CSMD2: variants seen among roughly 807,000 people sequenced by gnomAD.
The protein encoded by CSMD2 is CUB and Sushi multiple domains 2.
A neutral mutation model predicts 398.5 loss-of-function variants in CSMD2; 130 were observed. The observed-to-expected ratio is 0.33, with a 90% confidence interval of 0.28 to 0.38. CSMD2 has a LOEUF of 0.38. CSMD2 is among the 10% of genes least tolerant of loss of function. CSMD2 has a pLI of 1.00. For synonymous variants in CSMD2, 1,828 were observed against 1,908.5 expected (o/e 0.96, Z 1.10); for missense variants, 3,829 against 4,764.9 (o/e 0.80, Z 5.78).
intron 68 of CSMD2, 112 bp downstream of exon 68, chr1:33,521,351 G>A (rs1291217723): frequency 2.7e-6 from 2 of 746,688 alleles, no homozygotes; most frequent in Non-Finnish European, 4.8e-6. Flanking sequence ...AGAGGCCAAA[G>A]CACCCCCGCC....
chr1:33,579,123 T>C (rs1638509986), intron 48 of CSMD2, among the ~76,000 whole-genome samples: 1 of 152,188 alleles, frequency 6.6e-6, no homozygotes. Context: ...TGACTCATTA[T>C]CCCCAAACAC....
At chr1:34,087,875 C>T (rs1028594284) in intron 2 of CSMD2, among the ~76,000 whole-genome samples, 1 of 152,140 alleles carries the variant, frequency 6.6e-6, no homozygotes, top group Non-Finnish European at 1.5e-5. Flanking sequence ...GAAGAGGACT[C>T]TAGCCCTTTA....
intron 26 of CSMD2, among the ~76,000 whole-genome samples, chr1:33,659,849 G>C (rs1295779544): frequency 2.0e-5 from 3 of 152,240 alleles, no homozygotes; most frequent in African/African-American, 7.2e-5. Flanking sequence ...CCATATCTGG[G>C]CCTATGCCTA....
At chr1:33,776,274 T>C (rs1189221873) in intron 12 of CSMD2, among the ~76,000 whole-genome samples, 1 of 152,098 alleles carries the variant, frequency 6.6e-6, no homozygotes, top group African/African-American at 2.4e-5. Flanking sequence ...GGCATGGGAC[T>C]GAGAGCACAC....
At chr1:34,028,634 G>A (rs189557271) in intron 3 of CSMD2, among the ~76,000 whole-genome samples, 16 of 152,314 alleles carry the variant, frequency 1.1e-4, no homozygotes, top group Admixed American at 3.9e-4. Context: ...TGGCCATCAG[G>A]CCCTAAGCTG....
At chr1:33,942,750 C>T (rs1036698472) in intron 3 of CSMD2, among the ~76,000 whole-genome samples, 3 of 152,194 alleles carry the variant, frequency 2.0e-5, no homozygotes, top group African/African-American at 7.2e-5. Context: ...GTAAGTTATT[C>T]CACTGGCCCA....
At chr1:33,590,651 T>G (rs1330502947) in intron 44 of CSMD2, among the ~76,000 whole-genome samples, 1 of 144,602 alleles carries the variant, frequency 6.9e-6, no homozygotes, top group Admixed American at 6.9e-5. Flanking sequence ...TCTTACCACA[T>G]TGATGGTATC....
At chr1:33,550,416 G>T in intron 55 of CSMD2, 66 bp from the exon 56 acceptor site, 1 of 1,493,388 alleles carries the variant, frequency 6.7e-7, no homozygotes, top group South Asian at 1.2e-5. Flanking sequence ...CACAATCCAT[G>T]CTAGGCTTCT....
At chr1:33,520,025 T>C (rs1654120972) in intron 68 of CSMD2, 75 bp from the exon 69 acceptor site, 2 of 1,548,788 alleles carry the variant, frequency 1.3e-6, no homozygotes, top group Admixed American at 1.7e-5. Flanking sequence ...TCCCCGACTA[T>C]ACACTCTTGG....
chr1:33,773,119 A>T (rs79010331), intron 12 of CSMD2, among the ~76,000 whole-genome samples: 1 of 152,352 alleles, frequency 6.6e-6, no homozygotes, highest in African/African-American at 2.4e-5. Context: ...TCCCAGGAGC[A>T]ACAAGTTCCA....
intron 1 of CSMD2, among the ~76,000 whole-genome samples, chr1:34,129,249 G>A (rs769989591): frequency 1.3e-5 from 2 of 152,220 alleles, no homozygotes; most frequent in Non-Finnish European, 1.5e-5. Context: ...TTGTGAAACT[G>A]TGTATGTGAA....
chr1:33,869,504 C>T lies in CSMD2; in HGVS notation c.921-22508G>A, dbSNP rs41266403. ...TTGTGGGGAACAACTCCCAAAAGGCCAGTGGTTCTCAGCTTTAAGCCTGTG... is the reference window on the plus strand; with the variant it reads ...TTGTGGGGAACAACTCCCAAAAGGCTAGTGGTTCTCAGCTTTAAGCCTGTG... On this transcript the variant is annotated intron_variant, in intron 5 of 70. Transcript: ENST00000373381. Among the ~76,000 whole-genome samples, 901 of 152,244 alleles carry T rather than the reference C, an allele frequency of 5.9e-3. 8 individuals are homozygous for T. The highest frequency in any genetic ancestry group is 0.01 in the Middle Eastern group (3 of 294).
intron 1 of CSMD2, among the ~76,000 whole-genome samples, chr1:34,149,702 C>T (rs1640111517): frequency 6.6e-6 from 1 of 152,200 alleles, no homozygotes; most frequent in Admixed American, 6.5e-5. Flanking sequence ...CCTTCCCAGG[C>T]TCTTCCAGGG....
intron 13 of CSMD2, among the ~76,000 whole-genome samples, chr1:33,764,754 A>G (rs1225494973): frequency 1.3e-5 from 2 of 152,216 alleles, no homozygotes; most frequent in African/African-American, 4.8e-5. Flanking sequence ...TCTGGCTCTG[A>G]TCATTTGAAA....
Position 33,602,498 on chromosome 1 carries a change from G to T in CSMD2, c.6581C>A (p.Pro2194Gln). Residue 2194 changes from proline to glutamine, a missense_variant, in exon 43 of 71, where the codon CCG (proline) becomes CAG (glutamine). Around this residue, in one of 5 missense-constraint regions of CSMD2, gnomAD observed 723 missense variants for 758.6 expected, o/e 0.95. Transcript: ENST00000373381. Reference sequence around the variant, plus strand: ...GCTGGAGTACGGGCTAGGGAACCCCGGGGAGTACACAGTGCCGTTGGAAGA... The same window carrying T: ...GCTGGAGTACGGGCTAGGGAACCCCTGGGAGTACACAGTGCCGTTGGAAGA... ...ITSSNGTVYS[P>Q]GFPSPYSSSQ... The T allele has an allele frequency of 6.2e-7, 1 of 1,612,732 alleles. No individual in the cohort carries two copies.
intron 3 of CSMD2, among the ~76,000 whole-genome samples, chr1:33,975,686 T>A (rs1297925926): frequency 6.6e-6 from 1 of 151,860 alleles, no homozygotes; most frequent in East Asian, 1.9e-4. Flanking sequence ...GGGGAGGGCC[T>A]CCCCTCTGTA....
intron 55 of CSMD2, among the ~76,000 whole-genome samples, chr1:33,554,869 A>G (rs1005823872): frequency 1.3e-5 from 2 of 152,228 alleles, no homozygotes; most frequent in African/African-American, 4.8e-5. Flanking sequence ...GAGCTCCTGT[A>G]CATCAGAACT....
intron 3 of CSMD2, among the ~76,000 whole-genome samples, chr1:33,975,609 A>T (rs1645933447): frequency 6.6e-6 from 1 of 151,900 alleles, no homozygotes; most frequent in Non-Finnish European, 1.5e-5. Flanking sequence ...CTGACAGCCA[A>T]AACCTGGTTT....
At chr1:33,815,722 T>C (rs1021643935) in intron 9 of CSMD2, among the ~76,000 whole-genome samples, 1 of 152,196 alleles carries the variant, frequency 6.6e-6, no homozygotes, top group African/African-American at 2.4e-5. Context: ...AAAGAAATTA[T>C]GAAAAATGCC....
Sources: gnomAD v4.1 joint callset for allele counts (sites outside exome capture counted in the v4.1 genomes callset) on GRCh38, gnomAD v4.1.1 for gene constraint, gnomAD v4.1.1 regional missense constraint, MANE v1.5 for transcripts, NCBI Gene and HGNC (gene_info 2026-07-23, HGNC 2026-07-21) for gene names.